Variants in RYR2 observed in about 807,000 individuals in gnomAD.
RYR2 encodes the protein cardiac muscle ryanodine receptor-calcium release channel.
In RYR2, 227 loss-of-function variants were observed where a neutral mutation model predicts 601.1. That is an observed-to-expected ratio of 0.38 (90% CI 0.34 to 0.42). The LOEUF (loss-of-function observed/expected upper bound fraction) is 0.42, where lower values mean the gene tolerates loss of function less well. Among genes scored for constraint, RYR2 ranks in the 10% least tolerant of loss-of-function variants. The pLI is 1.00. For missense variants in RYR2, 4,646 were observed against 6,156.5 expected (o/e 0.75, Z 8.21); for synonymous variants, 2,223 against 2,175.1 (o/e 1.02, Z -0.61).
At chr1:237,813,524 C>A (rs1470463663) in intron 100 of RYR2, among the ~76,000 whole-genome samples, 1 of 152,122 alleles carries the variant, frequency 6.6e-6, no homozygotes, top group African/African-American at 2.4e-5. Context: ...CATAGTTGAC[C>A]CCATTCAAGT....
chr1:237,538,401 A>C (rs1348922697), intron 25 of RYR2, among the ~76,000 whole-genome samples: 2 of 136,296 alleles, frequency 1.5e-5, no homozygotes, highest in Non-Finnish European at 3.1e-5. Flanking sequence ...TCTCAAAAAA[A>C]AAAAAAAAAA....
intron 29 of RYR2, among the ~76,000 whole-genome samples, chr1:237,582,708 G>C (rs539880665): frequency 6.6e-6 from 1 of 151,880 alleles, no homozygotes; most frequent in African/African-American, 2.4e-5. Context: ...CTAAGATATG[G>C]CCTCTGGCTG....
At chr1:237,542,887 G>A (rs1379088853) in intron 25 of RYR2, among the ~76,000 whole-genome samples, 1 of 152,128 alleles carries the variant, frequency 6.6e-6, no homozygotes, top group African/African-American at 2.4e-5. Flanking sequence ...GCTCACTTTG[G>A]CTCTGCGATC....
chr1:237,815,843 C>T (rs148275794), intron 100 of RYR2, among the ~76,000 whole-genome samples: 2 of 152,144 alleles, frequency 1.3e-5, no homozygotes, highest in Non-Finnish European at 2.9e-5. Context: ...TACCAACATG[C>T]TACTCATTAA....
chr1:237,107,519 C>CAAA (rs71561857), intron 1 of RYR2, among the ~76,000 whole-genome samples: 6 of 38,914 alleles, frequency 1.5e-4, no homozygotes, highest in South Asian at 2.0e-3. Context: ...GACTCCATCT[C>CAAA]AAAAAAAAAA....
At chr1:237,249,844 G>A (rs1687271870) in intron 1 of RYR2, among the ~76,000 whole-genome samples, 1 of 152,086 alleles carries the variant, frequency 6.6e-6, no homozygotes, top group Non-Finnish European at 1.5e-5. Flanking sequence ...TATATTCCAG[G>A]GATGATGATA....
At chr1:237,721,725 G>T (rs1689732262) in intron 73 of RYR2, among the ~76,000 whole-genome samples, 1 of 152,058 alleles carries the variant, frequency 6.6e-6, no homozygotes, top group Non-Finnish European at 1.5e-5. Context: ...TCACCATGTT[G>T]GCCAGGCTGG....
In RYR2 at chr1:237,086,785, T is replaced by C. The variant is rs375570885; in HGVS notation, c.48+44216T>C. On this transcript the variant is annotated intron_variant, in intron 1 of 104. Transcript: ENST00000366574. ...GGAGGAAAGGTCACAGGCAGCGTTA[T>C]GGTTTGAGTATGTAGAGATATTGGG... 1.8e-4 allele frequency among the ~76,000 whole-genome samples: 27 copies of C among 152,284 alleles called. No individual in the cohort carries two copies. The South Asian group carries it at 3.7e-3, about 21-fold the overall frequency.
At chr1:237,411,714 C>T (rs997614095) in intron 10 of RYR2, among the ~76,000 whole-genome samples, 9 of 152,088 alleles carry the variant, frequency 5.9e-5, no homozygotes, top group African/African-American at 2.2e-4. Context: ...ACAGAGAGGT[C>T]AACAGCTTGC....
intron 79 of RYR2, among the ~76,000 whole-genome samples, chr1:237,738,841 G>A (rs1348486045): frequency 1.3e-5 from 2 of 152,128 alleles, no homozygotes; most frequent in Non-Finnish European, 2.9e-5. Context: ...TATCTTACAA[G>A]AGCTACAGGG....
At chr1:237,307,929 A>G (rs10802601) in intron 2 of RYR2, among the ~76,000 whole-genome samples, 16,994 of 141,056 alleles carry the variant, frequency 0.12, 2,568 homozygotes, top group African/African-American at 0.28. Flanking sequence ...TTTTGAGTGA[A>G]GGCTAGGAAA....
chr1:237,633,185 A>G (rs1680526102), intron 42 of RYR2, among the ~76,000 whole-genome samples: 1 of 152,106 alleles, frequency 6.6e-6, no homozygotes, highest in African/African-American at 2.4e-5. Context: ...CAATGAATTC[A>G]CTCCCCTGCC....
chr1:237,162,561 C>T (rs2490362), intron 1 of RYR2, among the ~76,000 whole-genome samples: 93,882 of 151,832 alleles, frequency 0.62, 29,241 homozygotes, highest in Non-Finnish European at 0.66. Context: ...TGGAAACTTT[C>T]AGCTAATGTT....
In RYR2 at chr1:237,492,634, A is replaced by C. The variant is rs370889105; in HGVS notation, c.1828-320A>C. ...GATGGGAGGGTTGCTTGAGGCCAGG[A>C]GTTTGAGACCAGCCTGGGTAATATA... On this transcript the variant is annotated intron_variant, in intron 18 of 104. Transcript: ENST00000366574. Among the ~76,000 whole-genome samples, 48 of 152,170 alleles carry C rather than the reference A, an allele frequency of 3.2e-4. 1 individual carries two copies. Among genetic ancestry groups the C allele is most frequent in the Middle Eastern group, 6.8e-3 (2 of 294 alleles).
At chr1:237,126,750 A>T (rs1243082378) in intron 1 of RYR2, among the ~76,000 whole-genome samples, 1 of 152,116 alleles carries the variant, frequency 6.6e-6, no homozygotes, top group African/African-American at 2.4e-5. Flanking sequence ...AGACTTATGG[A>T]AAGAATTTTT....
intron 1 of RYR2, among the ~76,000 whole-genome samples, chr1:237,218,844 G>C (rs1204960253): frequency 6.6e-6 from 1 of 151,946 alleles, no homozygotes; most frequent in African/African-American, 2.4e-5. Context: ...CTGGATATTG[G>C]GTGGTACATC....
intron 80 of RYR2, among the ~76,000 whole-genome samples, chr1:237,753,762 C>G (rs1558345754): frequency 6.6e-6 from 1 of 152,116 alleles, no homozygotes; most frequent in African/African-American, 2.4e-5. Flanking sequence ...TCAGAGAACT[C>G]TATTCTTGAA....
intron 3 of RYR2, among the ~76,000 whole-genome samples, chr1:237,348,400 G>C (rs1173010450): frequency 6.6e-6 from 1 of 152,156 alleles, no homozygotes; most frequent in Non-Finnish European, 1.5e-5. Context: ...GTCTCATGAG[G>C]CCTAATCTTG....
chr1:237,474,783 A>G (rs1661217574), intron 17 of RYR2, among the ~76,000 whole-genome samples: 1 of 152,184 alleles, frequency 6.6e-6, no homozygotes, highest in Non-Finnish European at 1.5e-5. Context: ...ATCTGCCAGC[A>G]TAAGAGAAGA....
Sources: allele counts gnomAD v4.1 joint callset (sites outside exome capture counted in the v4.1 genomes callset), GRCh38; gene constraint gnomAD v4.1.1; transcripts MANE v1.5; gene names NCBI Gene and HGNC (gene_info 2026-07-23, HGNC 2026-07-21).